The following ARHGAP18 variants were observed in gnomAD, a reference collection of about 807,000 sequenced individuals.
ARHGAP18 encodes Rho GTPase activating protein 18.
In ARHGAP18, 67 loss-of-function variants were observed where a neutral mutation model predicts 86.2. The ratio of observed to expected loss-of-function variants is 0.78; its 90% CI spans 0.64 to 0.95. The LOEUF is 0.95. Among genes scored for constraint, ARHGAP18 ranks in the 40% least tolerant of loss-of-function variants. The probability of loss-of-function intolerance (pLI) is 0.00; values close to 1 mark genes in which losing one functional copy is unlikely to be tolerated. For missense variants in ARHGAP18, 691 were observed against 780.4 expected (o/e 0.89, Z 1.37); for synonymous variants, 283 against 280.4 (o/e 1.01, Z -0.09).
At chr6:129,625,066 T>C (rs553982839) in intron 5 of ARHGAP18, among the ~76,000 whole-genome samples, 4,557 of 100,072 alleles carry the variant, frequency 0.046, 747 homozygotes, top group Non-Finnish European at 0.069. Flanking sequence ...GATATATATT[T>C]ATATATAATA....
At chr6:129,597,172 G>T (rs1411539380) in intron 12 of ARHGAP18, among the ~76,000 whole-genome samples, 1 of 146,456 alleles carries the variant, frequency 6.8e-6, no homozygotes, top group Non-Finnish European at 1.5e-5. Context: ...TTGAGATGAA[G>T]TCTCACTCTG....
chr6:129,639,027 A>T (rs946673481), intron 2 of ARHGAP18, among the ~76,000 whole-genome samples: 1 of 152,226 alleles, frequency 6.6e-6, no homozygotes, highest in Admixed American at 6.5e-5. Flanking sequence ...GTACTACCTC[A>T]GAGTCCAACA....
chr6:129,615,672 G>A (rs1292684746), intron 7 of ARHGAP18, among the ~76,000 whole-genome samples: 1 of 152,170 alleles, frequency 6.6e-6, no homozygotes, highest in African/African-American at 2.4e-5. Context: ...AACAATGATG[G>A]CTCAGAGGTT....
intron 1 of ARHGAP18, among the ~76,000 whole-genome samples, chr6:129,670,322 A>G (rs1774119850): frequency 6.6e-6 from 1 of 152,190 alleles, no homozygotes. Context: ...CCACTTTCTT[A>G]TATGGTAGGT....
chr6:129,679,100 A>G (rs919540729), intron 1 of ARHGAP18, among the ~76,000 whole-genome samples: 1 of 152,218 alleles, frequency 6.6e-6, no homozygotes, highest in Non-Finnish European at 1.5e-5. Context: ...CTGTAGGCAT[A>G]GGATCCATTT....
intron 9 of ARHGAP18, among the ~76,000 whole-genome samples, chr6:129,607,202 G>A (rs941554195): frequency 6.6e-6 from 1 of 152,128 alleles, no homozygotes; most frequent in Non-Finnish European, 1.5e-5. Context: ...TAAAGATACA[G>A]TTACTTGAAG....
intron 1 of ARHGAP18, among the ~76,000 whole-genome samples, chr6:129,672,831 A>G (rs1774163427): frequency 6.6e-6 from 1 of 152,260 alleles, no homozygotes; most frequent in Admixed American, 6.5e-5. Flanking sequence ...TCCTCAGTAA[A>G]GCTTTCAAGA....
intron 5 of ARHGAP18, among the ~76,000 whole-genome samples, chr6:129,622,206 T>C (rs1789244694): frequency 6.6e-6 from 1 of 152,212 alleles, no homozygotes; most frequent in African/African-American, 2.4e-5. Flanking sequence ...CGTGTTCCCC[T>C]GATTTTCTGT....
At chr6:129,647,116 T>C (rs1209996201) in intron 1 of ARHGAP18, among the ~76,000 whole-genome samples, 1 of 152,194 alleles carries the variant, frequency 6.6e-6, no homozygotes, top group Non-Finnish European at 1.5e-5. Context: ...TATACTATAA[T>C]GACAAAGAAT....
intron 1 of ARHGAP18, among the ~76,000 whole-genome samples, chr6:129,709,576 A>G (rs1487340141): frequency 1.3e-5 from 2 of 152,234 alleles, no homozygotes; most frequent in Non-Finnish European, 2.9e-5. Context: ...AGGGGGGAAA[A>G]AAAACACTCT....
intron 12 of ARHGAP18, among the ~76,000 whole-genome samples, chr6:129,592,494 C>A (rs1275669757): frequency 6.6e-6 from 1 of 152,020 alleles, no homozygotes; most frequent in Non-Finnish European, 1.5e-5. Context: ...GTCACGTAAG[C>A]TCTCTAAAGC....
chr6:129,634,117 A>C lies in ARHGAP18; in HGVS notation c.553-12T>G. ...GTGCCACCTGGAGCCTAAACATAGA[A>C]AACAGGCCATTTAGTCATCTCCAAC... On this transcript the variant is annotated splice_polypyrimidine_tract_variant and intron_variant, in intron 3 of 14. Coordinates refer to ENST00000368149, the MANE Select transcript of ARHGAP18 (RefSeq NM_033515.3). 1.9e-6 allele frequency: 3 copies of C among 1,612,652 alleles called. No homozygotes were observed. The highest frequency in any genetic ancestry group is 2.5e-6 in the Non-Finnish European group (3 of 1,179,418).
intron 1 of ARHGAP18, among the ~76,000 whole-genome samples, chr6:129,664,384 T>C (rs758129504): frequency 6.6e-6 from 1 of 152,036 alleles, no homozygotes; most frequent in Non-Finnish European, 1.5e-5. Context: ...ATTTGTAAAA[T>C]AGGAAAGTTA....
chr6:129,581,180 C>G (rs1326831733), intron 13 of ARHGAP18, among the ~76,000 whole-genome samples: 10 of 152,198 alleles, frequency 6.6e-5, no homozygotes, highest in African/African-American at 1.4e-4. Context: ...TCAGGTCTGA[C>G]TTGTATTCAA....
At chr6:129,583,249 G>A (rs1788324678) in intron 13 of ARHGAP18, among the ~76,000 whole-genome samples, 1 of 152,150 alleles carries the variant, frequency 6.6e-6, no homozygotes, top group African/African-American at 2.4e-5. Flanking sequence ...GGCTGGAGGA[G>A]GCATGAAAAC....
At chr6:129,605,454 A>G (rs1788831613) in intron 10 of ARHGAP18, among the ~76,000 whole-genome samples, 1 of 152,138 alleles carries the variant, frequency 6.6e-6, no homozygotes, top group Non-Finnish European at 1.5e-5. Flanking sequence ...AAACTGTCAT[A>G]TCTTTAGGTA....
chr6:129,614,809 T>TAC (rs1789060707), intron 7 of ARHGAP18, among the ~76,000 whole-genome samples: 2 of 150,974 alleles, frequency 1.3e-5, no homozygotes, highest in African/African-American at 4.9e-5. Context: ...AATTATTTAA[T>TAC]ACTCTCTATA....
At chr6:129,585,508 T>C (rs9492347) in intron 12 of ARHGAP18, among the ~76,000 whole-genome samples, 35,292 of 152,030 alleles carry the variant, frequency 0.23, 4,680 homozygotes, top group Middle Eastern at 0.36. Flanking sequence ...TATAAGACTG[T>C]ACAGTGAGTA....
At chr6:129,587,787 G>A (rs1228575512) in intron 12 of ARHGAP18, among the ~76,000 whole-genome samples, 1 of 152,142 alleles carries the variant, frequency 6.6e-6, no homozygotes, top group Non-Finnish European at 1.5e-5. Context: ...AGATTTGGGT[G>A]GGGACACAGC....
Sources: allele counts gnomAD v4.1 joint callset (sites outside exome capture counted in the v4.1 genomes callset), GRCh38; gene constraint gnomAD v4.1.1; transcripts MANE v1.5; gene names NCBI Gene and HGNC (gene_info 2026-07-23, HGNC 2026-07-21).